Variants in ADAM23 observed in about 807,000 individuals in gnomAD.
ADAM23 encodes the protein ADAM metallopeptidase domain 23.
Under a neutral mutation model 120.1 loss-of-function variants are expected in ADAM23, and 33 were observed. The ratio of observed to expected loss-of-function variants is 0.27; its 90% CI spans 0.21 to 0.37. The LOEUF (loss-of-function observed/expected upper bound fraction) is 0.37. ADAM23 is among the 10% of genes least tolerant of loss of function. The pLI is 1.00. For synonymous variants in ADAM23, 367 were observed against 375.2 expected (o/e 0.98, Z 0.25); for missense variants, 862 against 1,058.2 (o/e 0.81, Z 2.57).
chr2:206,550,824 A>C (rs911603142), intron 9 of ADAM23, among the ~76,000 whole-genome samples: 2 of 152,080 alleles, frequency 1.3e-5, no homozygotes, highest in East Asian at 3.9e-4. Flanking sequence ...GATGGTCTCG[A>C]TCTCCTGACC....
intron 13 of ADAM23, among the ~76,000 whole-genome samples, chr2:206,563,785 A>AGTGG (rs1181511322): frequency 6.7e-6 from 1 of 148,516 alleles, no homozygotes; most frequent in African/African-American, 2.5e-5. Context: ...GCTGGAGTGC[A>AGTGG]GTGGCACGAT....
At chr2:206,462,597 T>C (rs1259896575) in intron 2 of ADAM23, among the ~76,000 whole-genome samples, 1 of 152,162 alleles carries the variant, frequency 6.6e-6, no homozygotes, top group African/African-American at 2.4e-5. Context: ...TGTGTTCAGT[T>C]GTTGTCTTCT....
At chr2:206,448,764 G>A (rs1695133153) in intron 2 of ADAM23, among the ~76,000 whole-genome samples, 1 of 152,238 alleles carries the variant, frequency 6.6e-6, no homozygotes, top group African/African-American at 2.4e-5. Flanking sequence ...GAACTTCCTG[G>A]AGGGTGGAGT....
intron 9 of ADAM23, among the ~76,000 whole-genome samples, chr2:206,556,254 A>G (rs539973524): frequency 5.9e-5 from 9 of 152,252 alleles, no homozygotes; most frequent in African/African-American, 1.9e-4. Context: ...GTTATAAAAA[A>G]TAAACATTAG....
intron 3 of ADAM23, among the ~76,000 whole-genome samples, chr2:206,527,649 G>A (rs1696969756): frequency 6.6e-6 from 1 of 152,174 alleles, no homozygotes; most frequent in African/African-American, 2.4e-5. Context: ...CCCTATAGCA[G>A]GTGTTGGTAG....
chr2:206,596,266 A>T, intron 24 of ADAM23, 104 bp downstream of exon 24: 1 of 810,380 alleles, frequency 1.2e-6, no homozygotes, highest in Admixed American at 2.8e-5. Flanking sequence ...ACACATAAGA[A>T]TATCTGTTTT....
At chr2:206,504,187 A>G (rs1359726475) in intron 3 of ADAM23, among the ~76,000 whole-genome samples, 6 of 152,128 alleles carry the variant, frequency 3.9e-5, no homozygotes, top group East Asian at 1.9e-4. Context: ...AAAATCCTCT[A>G]TAATATGTTA....
intron 20 of ADAM23, among the ~76,000 whole-genome samples, chr2:206,588,557 T>C (rs191869140): frequency 6.6e-6 from 1 of 152,336 alleles, no homozygotes; most frequent in Non-Finnish European, 1.5e-5. Context: ...ATACCAGACT[T>C]ATTTTTTAAA....
intron 3 of ADAM23, among the ~76,000 whole-genome samples, chr2:206,523,471 A>C (rs1243920432): frequency 6.6e-6 from 1 of 152,100 alleles, no homozygotes; most frequent in Non-Finnish European, 1.5e-5. Context: ...CACCCACTTA[A>C]TATATCATTG....
intron 2 of ADAM23, among the ~76,000 whole-genome samples, chr2:206,455,095 C>A (rs572366260): frequency 6.6e-6 from 1 of 152,356 alleles, no homozygotes; most frequent in South Asian, 2.1e-4. Context: ...CATAGAGGTT[C>A]TCCATGGGGG....
At chr2:206,450,177 A>G (rs575635043) in intron 2 of ADAM23, among the ~76,000 whole-genome samples, 3 of 152,356 alleles carry the variant, frequency 2.0e-5, no homozygotes, top group South Asian at 2.1e-4. Flanking sequence ...ATTCTGGAAC[A>G]TAAATTTTTA....
chr2:206,605,787 C>T (rs771493410), intron 24 of ADAM23: 4 of 702,478 alleles, frequency 5.7e-6, no homozygotes, highest in South Asian at 1.5e-5. Context: ...TCCCTCCACA[C>T]AGTGAATATG....
At chr2:206,598,156 A>G (rs1426937060) in intron 24 of ADAM23, among the ~76,000 whole-genome samples, 2 of 152,176 alleles carry the variant, frequency 1.3e-5, no homozygotes, top group Non-Finnish European at 2.9e-5. Flanking sequence ...TTAAGCTCTA[A>G]CAAGAGAAGC....
At chr2:206,490,635 T>C (rs1696114277) in intron 3 of ADAM23, among the ~76,000 whole-genome samples, 1 of 152,220 alleles carries the variant, frequency 6.6e-6, no homozygotes, top group Non-Finnish European at 1.5e-5. Flanking sequence ...GCATTGTATA[T>C]GTCCTAGAGG....
At chr2:206,567,193 A>T (rs776254059) in intron 14 of ADAM23, 30 bp from the exon 15 acceptor site, 1 of 1,518,658 alleles carries the variant, frequency 6.6e-7, no homozygotes, top group Admixed American at 1.7e-5. Context: ...TTGGTAAATT[A>T]TTTACATAGT....
At chr2:206,529,509 C>T (rs1450036202) in intron 3 of ADAM23, among the ~76,000 whole-genome samples, 1 of 152,078 alleles carries the variant, frequency 6.6e-6, no homozygotes, top group Admixed American at 6.6e-5. Context: ...AGCAATCCTT[C>T]CACCTCAGGC....
intron 2 of ADAM23, among the ~76,000 whole-genome samples, chr2:206,456,709 T>C (rs1314073984): frequency 6.6e-6 from 1 of 152,054 alleles, no homozygotes; most frequent in African/African-American, 2.4e-5. Flanking sequence ...TCTTAGATGG[T>C]AGTGAGAACA....
intron 18 of ADAM23, among the ~76,000 whole-genome samples, chr2:206,584,226 C>A (rs1014939166): frequency 1.2e-4 from 18 of 152,280 alleles, no homozygotes; most frequent in African/African-American, 3.4e-4. Context: ...GCGAGTCTCT[C>A]AGCTGTGGAT....
chr2:206,578,359 A>G (rs534524722), intron 18 of ADAM23, among the ~76,000 whole-genome samples: 98 of 149,872 alleles, frequency 6.5e-4, no homozygotes, highest in African/African-American at 2.4e-3. Flanking sequence ...CCCCTCCCCA[A>G]TTCCCCCCAA....
Sources: gnomAD v4.1 joint callset for allele counts (sites outside exome capture counted in the v4.1 genomes callset) on GRCh38, gnomAD v4.1.1 for gene constraint, MANE v1.5 for transcripts, NCBI Gene and HGNC (gene_info 2026-07-23, HGNC 2026-07-21) for gene names.